The following KCNB2 variants were observed in gnomAD, a reference collection of about 807,000 sequenced individuals.
KCNB2 encodes the protein delayed rectifier potassium channel protein.
In KCNB2, 15 loss-of-function variants were observed where a neutral mutation model predicts 61.5. The observed-to-expected ratio is 0.24, with a 90% CI of 0.16 to 0.38. KCNB2 has a LOEUF of 0.38. Among genes scored for constraint, KCNB2 ranks in the 10% least tolerant of loss-of-function variants. The probability of loss-of-function intolerance (pLI) is 1.00; values close to 1 mark genes in which losing one functional copy is unlikely to be tolerated. For synonymous variants in KCNB2, 457 were observed against 446.0 expected, an observed-to-expected ratio of 1.02 and a Z score of -0.31; for missense variants, 828 against 1,125.2, an observed-to-expected ratio of 0.74 and a Z score of 3.78.
chr8:72,623,991 A>C (rs997394128), intron 2 of KCNB2, among the ~76,000 whole-genome samples: 3 of 152,092 alleles, frequency 2.0e-5, no homozygotes, highest in African/African-American at 7.2e-5. Flanking sequence ...GTGCATAAGC[A>C]TGTGTTCATT....
chr8:72,648,022 T>G (rs550840526), intron 2 of KCNB2, among the ~76,000 whole-genome samples: 1 of 152,116 alleles, frequency 6.6e-6, no homozygotes, highest in African/African-American at 2.4e-5. Flanking sequence ...TAGGCTAGAA[T>G]GAACTGTATA....
intron 2 of KCNB2, among the ~76,000 whole-genome samples, chr8:72,607,321 GT>G (rs1278709407): frequency 1.6e-4 from 24 of 152,108 alleles, no homozygotes; most frequent in Non-Finnish European, 1.5e-5. Flanking sequence ...GCTTCCTAAA[GT>G]AGAAAGGACC....
intron 2 of KCNB2, among the ~76,000 whole-genome samples, chr8:72,830,289 AAGGAGACCTC>A (rs1273928478): frequency 6.6e-6 from 1 of 151,446 alleles, no homozygotes; most frequent in Non-Finnish European, 1.5e-5. Context: ...AGAAGGAGAG[AAGGAGACCTC>A]AGCTTTTCTA....
chr8:72,572,793 T>A (rs1806732541), intron 2 of KCNB2, among the ~76,000 whole-genome samples: 1 of 152,170 alleles, frequency 6.6e-6, no homozygotes, highest in Non-Finnish European at 1.5e-5. Flanking sequence ...ACTACGTAAG[T>A]TTTTTTATTC....
chr8:72,645,854 A>G (rs1806121917), intron 2 of KCNB2, among the ~76,000 whole-genome samples: 1 of 152,166 alleles, frequency 6.6e-6, no homozygotes, highest in Non-Finnish European at 1.5e-5. Context: ...TAAATGACAG[A>G]TGGTATTGGT....
chr8:72,869,142 A>AC (rs2129004618), intron 2 of KCNB2, among the ~76,000 whole-genome samples: 1 of 152,312 alleles, frequency 6.6e-6, no homozygotes, highest in Admixed American at 6.5e-5. Flanking sequence ...AGAGATAAGA[A>AC]CTGGGGTATG....
chr8:72,663,449 G>A (rs1008724141), intron 2 of KCNB2, among the ~76,000 whole-genome samples: 2 of 152,100 alleles, frequency 1.3e-5, no homozygotes, highest in African/African-American at 2.4e-5. Context: ...ACACTGCTTC[G>A]CTAAGCTCTG....
chr8:72,635,195 A>C (rs748383884), intron 2 of KCNB2, among the ~76,000 whole-genome samples: 1 of 152,160 alleles, frequency 6.6e-6, no homozygotes, highest in Non-Finnish European at 1.5e-5. Context: ...GTCTGCTGGC[A>C]AGGCTGGATC....
At chr8:72,732,990 TA>T (rs895799434) in intron 2 of KCNB2, among the ~76,000 whole-genome samples, 47 of 138,068 alleles carry the variant, frequency 3.4e-4, no homozygotes, top group East Asian at 4.1e-4. Context: ...TTGAAGATGC[TA>T]AAAAAAAAAA....
chr8:72,548,029 C>T (rs1806285759), intron 1 of KCNB2, among the ~76,000 whole-genome samples: 1 of 152,128 alleles, frequency 6.6e-6, no homozygotes, highest in Non-Finnish European at 1.5e-5. Flanking sequence ...CAAGGCAAGA[C>T]CATCCATTAG....
intron 2 of KCNB2, among the ~76,000 whole-genome samples, chr8:72,656,091 C>T (rs1019563105): frequency 2.0e-5 from 3 of 152,140 alleles, no homozygotes. Context: ...AAGAATCCTA[C>T]TTTAATTCTC....
chr8:72,868,591 CAAAA>C (rs969110097), intron 2 of KCNB2, among the ~76,000 whole-genome samples: 8 of 150,772 alleles, frequency 5.3e-5, no homozygotes, highest in Admixed American at 4.6e-4. Context: ...ACAAAACAAA[CAAAA>C]AAAACCCCAA....
chr8:72,650,756 G>A (rs1045198593), intron 2 of KCNB2, among the ~76,000 whole-genome samples: 1 of 152,210 alleles, frequency 6.6e-6, no homozygotes, highest in African/African-American at 2.4e-5. Context: ...TAAAAGGACA[G>A]TCAACATTTA....
At chr8:72,932,894 C>T (rs761580576) in intron 2 of KCNB2, among the ~76,000 whole-genome samples, 4 of 152,068 alleles carry the variant, frequency 2.6e-5, no homozygotes, top group Non-Finnish European at 4.4e-5. Flanking sequence ...CTCATTGCAC[C>T]ACACATCACC....
chr8:72,617,801 G>GCCGGCC (rs1002287665), intron 2 of KCNB2, among the ~76,000 whole-genome samples: 3 of 151,998 alleles, frequency 2.0e-5, no homozygotes, highest in East Asian at 1.9e-4. Flanking sequence ...CCACCTCCCC[G>GCCGGCC]CCGGCCCCGG....
chr8:72,847,460 T>A (rs1810015362), intron 2 of KCNB2, among the ~76,000 whole-genome samples: 1 of 152,236 alleles, frequency 6.6e-6, no homozygotes, highest in Admixed American at 6.5e-5. Context: ...TCTCTTTACA[T>A]CTTCCAGCCC....
chr8:72,793,087 G>A (rs867444854), intron 2 of KCNB2, among the ~76,000 whole-genome samples: 20 of 152,192 alleles, frequency 1.3e-4, no homozygotes, highest in African/African-American at 4.6e-4. Context: ...TTCCAGTACA[G>A]CATCAATTTC....
chr8:72,595,255 G>A (rs1342660657), intron 2 of KCNB2, among the ~76,000 whole-genome samples: 4 of 151,520 alleles, frequency 2.6e-5, no homozygotes. Context: ...TGCATCATGT[G>A]TCTCTTGCCT....
At chr8:72,885,590 A>C (rs556687185) in intron 2 of KCNB2, among the ~76,000 whole-genome samples, 1 of 152,306 alleles carries the variant, frequency 6.6e-6, no homozygotes, top group East Asian at 1.9e-4. Context: ...GCAGAAGGGT[A>C]TGCATCAAAA....
Sources: allele counts gnomAD v4.1 joint callset (sites outside exome capture counted in the v4.1 genomes callset), GRCh38; gene constraint gnomAD v4.1.1; transcripts MANE v1.5; gene names NCBI Gene and HGNC (gene_info 2026-07-23, HGNC 2026-07-21).